MEIS2: variants seen among roughly 807,000 people sequenced by gnomAD.
The protein encoded by MEIS2 is homeobox protein Meis2.
Under a neutral mutation model 58.6 loss-of-function variants are expected in MEIS2, and 9 were observed. That is an observed-to-expected ratio of 0.15 (90% CI 0.09 to 0.27). MEIS2 has a LOEUF of 0.27. Among genes scored for constraint, MEIS2 ranks in the 10% least tolerant of loss-of-function variants. The probability of loss-of-function intolerance (pLI) is 1.00; values close to 1 mark genes in which losing one functional copy is unlikely to be tolerated. For missense variants in MEIS2, 427 were observed against 635.0 expected, an observed-to-expected ratio of 0.67 and a Z score of 3.52; for synonymous variants, 221 against 228.4, an observed-to-expected ratio of 0.97 and a Z score of 0.29.
intron 2 of MEIS2, chr15:37,097,228 C>T (rs911234384): frequency 6.6e-6 from 1 of 152,362 alleles, no homozygotes; most frequent in African/African-American, 2.4e-5. Context: ...GCTGTTTACC[C>T]ACTGTCCCCT....
chr15:37,009,372 A>G lies in MEIS2; in HGVS notation c.900+27442T>C, dbSNP rs562526728. On this transcript the variant is annotated intron_variant, in intron 8 of 11. Transcript: ENST00000561208. The stretch of plus-strand genomic sequence containing the variant: ...AATTTGGTCTCATCTTCACATTAAT[A>G]CATTTGGGGTTCAGGTTTGTTTTGT... 4.6e-5 allele frequency among the ~76,000 whole-genome samples: 7 copies of G among 152,338 alleles called. No homozygotes were observed. In the South Asian group the frequency reaches 1.4e-3, roughly 32 times the overall value.
At chr15:36,989,493 G>A (rs1916306) in intron 8 of MEIS2, among the ~76,000 whole-genome samples, 78 of 152,168 alleles carry the variant, frequency 5.1e-4, no homozygotes, top group African/African-American at 1.7e-3. Flanking sequence ...TTGCATACTC[G>A]TGTGGACTTC....
chr15:37,083,697 G>T, intron 7 of MEIS2, 74 bp downstream of exon 7: 3 of 1,236,010 alleles, frequency 2.4e-6, no homozygotes, highest in Non-Finnish European at 3.5e-6. Context: ...GGCGGCAGAT[G>T]TACTGATATC....
chr15:37,042,257 T>A (rs547662663), intron 7 of MEIS2, among the ~76,000 whole-genome samples: 96 of 152,174 alleles, frequency 6.3e-4, no homozygotes, highest in Non-Finnish European at 1.3e-3. Flanking sequence ...AAGCACATGA[T>A]TTGGAATGAA....
chr15:37,074,159 C>T (rs951917385), intron 7 of MEIS2, among the ~76,000 whole-genome samples: 1 of 151,832 alleles, frequency 6.6e-6, no homozygotes, highest in Non-Finnish European at 1.5e-5. Flanking sequence ...AGGATGGAGA[C>T]GTTGCTCTGT....
chr15:36,941,026 C>T (rs2058355498), intron 9 of MEIS2, among the ~76,000 whole-genome samples: 1 of 152,118 alleles, frequency 6.6e-6, no homozygotes, highest in African/African-American at 2.4e-5. Flanking sequence ...GCAGTTTCTG[C>T]TTTTCTCCCC....
chr15:36,912,181 A>AC (rs2057061539), intron 9 of MEIS2, among the ~76,000 whole-genome samples: 2 of 151,586 alleles, frequency 1.3e-5, no homozygotes, highest in South Asian at 4.2e-4. Flanking sequence ...AATGCCAAAA[A>AC]CAAATGCTGG....
At position 36,890,083 on chromosome 15, in the gene MEIS2, A is replaced by C. The variant is rs1244427872; in HGVS notation, c.*2090T>G. The C allele has an allele frequency of 6.6e-6, 1 of 152,220 alleles. No homozygotes were observed. Among genetic ancestry groups the C allele is most frequent in the South Asian group, 2.1e-4 (1 of 4,832 alleles). The allele number at this position is 152,220 out of a possible 1,614,324, so 9.4% of individuals were successfully genotyped here. On this transcript the variant is annotated 3_prime_UTR_variant, in exon 12 of 12. Transcript: ENST00000561208. ...AAATGGAAAGATGGAAGAGCCCCAA[A>C]TAATAACTATGGATTTCTTCCAAGT... is the stretch of plus-strand genomic sequence containing the variant.
chr15:37,098,418 GAGAGAGAA>G (rs1894642834), intron 1 of MEIS2: 2 of 1,136,494 alleles, frequency 1.8e-6, no homozygotes, highest in Admixed American at 4.1e-5. Flanking sequence ...GAGAGAGAGA[GAGAGAGAA>G]AATAAAAATA....
intron 9 of MEIS2, among the ~76,000 whole-genome samples, chr15:36,946,763 T>A (rs2058581153): frequency 6.6e-6 from 1 of 151,980 alleles, no homozygotes; most frequent in Non-Finnish European, 1.5e-5. Context: ...ATTTCACAGA[T>A]GAAAGCACTA....
chr15:36,904,806 T>C (rs564554171), intron 9 of MEIS2, among the ~76,000 whole-genome samples: 1 of 152,278 alleles, frequency 6.6e-6, no homozygotes, highest in East Asian at 1.9e-4. Context: ...TTGACATGAC[T>C]TTCCCCGAGT....
intron 9 of MEIS2, among the ~76,000 whole-genome samples, chr15:36,918,456 T>A (rs2057369309): frequency 6.6e-6 from 1 of 152,210 alleles, no homozygotes; most frequent in African/African-American, 2.4e-5. Context: ...GAACAGTAGG[T>A]GAGAATTACA....
At chr15:36,934,600 C>A (rs74008815) in intron 9 of MEIS2, among the ~76,000 whole-genome samples, 11,913 of 152,222 alleles carry the variant, frequency 0.078, 559 homozygotes, top group South Asian at 0.25. Flanking sequence ...TCTTTATAAA[C>A]AAGTAATTGT....
chr15:36,889,853 AG>A lies in MEIS2; in HGVS notation c.*2319del. On this transcript the variant is annotated 3_prime_UTR_variant, in exon 12 of 12. Coordinates refer to ENST00000561208, the MANE Select transcript of MEIS2 (RefSeq NM_170675.5). Reference sequence around the variant, plus strand: ...TGTAAAATAGAATAGCAAAAATGAGAGGGAAGCTATCTCTCTTTCCCAAGTG... The same window carrying A: ...TGTAAAATAGAATAGCAAAAATGAGAGGAAGCTATCTCTCTTTCCCAAGTG... The A allele has an allele frequency of 6.6e-6, 1 of 152,340 alleles. No individual in the cohort carries two copies. Among genetic ancestry groups the A allele is most frequent in the African/African-American group, 2.4e-5 (1 of 41,584 alleles). 9.4% of individuals were successfully genotyped at this position (152,340 alleles called of 1,614,324 possible). A position where few individuals can be genotyped will look rare whatever the true frequency, so the allele number is the denominator to read the frequency against.
chr15:37,087,775 C>T (rs1445396650), intron 6 of MEIS2, among the ~76,000 whole-genome samples: 1 of 151,864 alleles, frequency 6.6e-6, no homozygotes, highest in Non-Finnish European at 1.5e-5. Flanking sequence ...CCATGAGGGA[C>T]CTACCTATAA....
intron 9 of MEIS2, among the ~76,000 whole-genome samples, chr15:36,929,288 C>A (rs2198024): frequency 5.9e-5 from 9 of 152,182 alleles, no homozygotes; most frequent in African/African-American, 1.9e-4. Context: ...AGTGGAGGAA[C>A]CAGAAAGGAA....
At chr15:37,000,096 A>T (rs891489053) in intron 8 of MEIS2, among the ~76,000 whole-genome samples, 4 of 152,228 alleles carry the variant, frequency 2.6e-5, no homozygotes, top group Non-Finnish European at 4.4e-5. Context: ...CAAAAGAGCA[A>T]ATCTGGCGTG....
chr15:36,916,209 C>T (rs542115382), intron 9 of MEIS2, among the ~76,000 whole-genome samples: 15 of 151,496 alleles, frequency 9.9e-5, no homozygotes, highest in Admixed American at 4.6e-4. Flanking sequence ...GTGTGGATCA[C>T]GAGGTCAGGA....
chr15:37,000,865 C>T (rs752807300), intron 8 of MEIS2, among the ~76,000 whole-genome samples: 2 of 152,132 alleles, frequency 1.3e-5, no homozygotes, highest in Non-Finnish European at 2.9e-5. Flanking sequence ...AGCTAGGATC[C>T]TCTCTATTTT....
Sources: allele counts gnomAD v4.1 joint callset (sites outside exome capture counted in the v4.1 genomes callset), GRCh38; gene constraint gnomAD v4.1.1; transcripts MANE v1.5; gene names NCBI Gene and HGNC (gene_info 2026-07-23, HGNC 2026-07-21).